ABCC9: variants seen among roughly 807,000 people sequenced by gnomAD.
The protein encoded by ABCC9 is ATP-binding cassette sub-family C member 9.
A neutral mutation model predicts 188.3 loss-of-function variants in ABCC9; 95 were observed. The ratio of observed to expected loss-of-function variants is 0.50; its 90% CI spans 0.43 to 0.60. The LOEUF is 0.60. ABCC9 is among the 20% of genes least tolerant of loss of function. ABCC9 has a pLI of 0.00. For synonymous variants in ABCC9, 659 were observed against 652.7 expected (o/e 1.01, Z -0.15); for missense variants, 1,102 against 1,876.3 (o/e 0.59, Z 7.62).
intron 16 of ABCC9, among the ~76,000 whole-genome samples, chr12:21,878,667 G>A (rs2137625152): frequency 6.6e-6 from 1 of 152,272 alleles, no homozygotes; most frequent in South Asian, 2.1e-4. Flanking sequence ...GTGAAAACAG[G>A]TAGAAAATAC....
chr12:21,833,517 A>T lies in ABCC9; in HGVS notation c.3567-4457T>A, dbSNP rs191985498. On this transcript the variant is annotated intron_variant, in intron 30 of 39. Coordinates refer to ENST00000261200, the MANE Select transcript of ABCC9 (RefSeq NM_020297.4). Reference sequence around the variant, plus strand: ...GTCTAGGGAAGAAGGTAAATGAAAAATCTGAATCTTGACTCTTGGTCAATT... The same window carrying T: ...GTCTAGGGAAGAAGGTAAATGAAAATTCTGAATCTTGACTCTTGGTCAATT... Among the ~76,000 whole-genome samples the T allele has an allele frequency of 2.2e-3, 337 of 152,242 alleles. 1 individual carries two copies. The highest frequency in any genetic ancestry group is 7.6e-3 in the African/African-American group (315 of 41,544).
chr12:21,907,982 AATTATCTTTAGTGGT>A (rs1428180393), intron 11 of ABCC9, 80 bp downstream of exon 11: 62 of 1,354,514 alleles, frequency 4.6e-5, no homozygotes, highest in Non-Finnish European at 5.8e-5. Flanking sequence ...ATTGTTTCCA[AATTATCTTTAGTGGT>A]ATGTATTAAT....
At position 21,893,950 on chromosome 12, in the gene ABCC9, T is replaced by C; in HGVS notation, c.1802+82A>G. The C allele has an allele frequency of 2.1e-6, 3 of 1,424,874 alleles. No homozygotes were observed. In the South Asian group the frequency reaches 3.6e-5, roughly 17 times the overall value. The allele number at this position is 1,424,874 out of a possible 1,614,324, so 88.3% of individuals were successfully genotyped here. A position where few individuals can be genotyped will look rare whatever the true frequency, so the allele number is the denominator to read the frequency against. ...CTGGCAGTGATTTTAATGTTCTTTT[T>C]TATATTTTTTCAAATACTCCTATTA... On this transcript the variant is annotated intron_variant, in intron 14 of 39. Transcript: ENST00000261200.
chr12:21,859,733 C>G, intron 21 of ABCC9, 67 bp from the exon 22 acceptor site: 1 of 1,309,948 alleles, frequency 7.6e-7, no homozygotes, highest in Non-Finnish European at 1.1e-6. Context: ...GTAATATGAC[C>G]TTAAATTACA....
chr12:21,902,312 A>T (rs1368131177), intron 12 of ABCC9, among the ~76,000 whole-genome samples: 3 of 152,228 alleles, frequency 2.0e-5, no homozygotes, highest in African/African-American at 7.2e-5. Flanking sequence ...GTAGAGGGAA[A>T]TTTATAGCAC....
intron 37 of ABCC9, among the ~76,000 whole-genome samples, chr12:21,808,192 G>A (rs916602776): frequency 1.3e-5 from 2 of 151,872 alleles, no homozygotes; most frequent in African/African-American, 4.8e-5. Context: ...ATATTCTAAT[G>A]GTATCAAAGT....
rs903079098 is a variant in ABCC9, at chr12:21,852,606, T to A, written c.2506-101A>T. On this transcript the variant is annotated intron_variant, in intron 22 of 39. Transcript: ENST00000261200. Reference sequence around the variant, plus strand: ...AATACAAATAACTAAGGGCAAATCATCCCCCAAATCTAATTTATTTAAAAA... The same window carrying A: ...AATACAAATAACTAAGGGCAAATCAACCCCCAAATCTAATTTATTTAAAAA... 63 of 1,328,768 alleles carry A rather than the reference T, an allele frequency of 4.7e-5. No homozygotes were observed. The African/African-American group carries it at 8.9e-4, about 19-fold the overall frequency. 82.3% of individuals were successfully genotyped at this position (1,328,768 alleles called of 1,614,324 possible).
chr12:21,852,554 C>T (rs774521047), intron 22 of ABCC9, 49 bp from the exon 23 acceptor site: 6 of 1,596,172 alleles, frequency 3.8e-6, no homozygotes, highest in South Asian at 1.1e-5. Context: ...ATACTTGTTA[C>T]ATAACTCAAT....
At chr12:21,855,130 T>C (rs1441189079) in intron 22 of ABCC9, among the ~76,000 whole-genome samples, 2 of 152,190 alleles carry the variant, frequency 1.3e-5, no homozygotes, top group Admixed American at 6.5e-5. Flanking sequence ...TTCCTGGGAA[T>C]TTTTCACAGA....
intron 4 of ABCC9, among the ~76,000 whole-genome samples, chr12:21,931,678 A>G (rs1344464952): frequency 6.6e-6 from 1 of 152,156 alleles, no homozygotes; most frequent in African/African-American, 2.4e-5. Flanking sequence ...AAGTTTCAAA[A>G]AAATATTGGA....
At position 21,800,865 on chromosome 12, in the gene ABCC9, C is replaced by A; in HGVS notation, c.*179G>T. The A allele has an allele frequency of 1.5e-6, 1 of 671,820 alleles. No homozygotes were observed. The allele number at this position is 671,820 out of a possible 1,614,324, so 41.6% of individuals were successfully genotyped here. On this transcript the variant is annotated 3_prime_UTR_variant, in exon 40 of 40. Coordinates refer to ENST00000261200, the MANE Select transcript of ABCC9 (RefSeq NM_020297.4). ...TCACTATAAAAACATCAATAATGAACATATTAAGCAATAATATCTTGAAAA... is the reference window on the plus strand; with the variant it reads ...TCACTATAAAAACATCAATAATGAAAATATTAAGCAATAATATCTTGAAAA...
chr12:21,877,279 A>G (rs550893859), intron 16 of ABCC9, among the ~76,000 whole-genome samples: 2 of 152,306 alleles, frequency 1.3e-5, no homozygotes, highest in East Asian at 1.9e-4. Flanking sequence ...ACAGCAGCTC[A>G]TAAAGAAAAT....
rs935975257 is a variant in ABCC9, at chr12:21,894,032, C to A, written c.1802G>T (p.Ser601Ile). ...VVRFAVKAII[S>I]VQKLNEFLLS... ...AAATGCCAGACACTTCAGTGCATAC[C>A]TTATGATGGCTTTGACTGCAAATCT... Residue 601 changes from serine to isoleucine, a missense_variant and splice_region_variant, in exon 14 of 40, where the codon AGT becomes ATT. This residue lies in a region of ABCC9 where 258 missense variants were observed against 325.6 expected (regional missense o/e 0.79). Coordinates refer to ENST00000261200, the MANE Select transcript of ABCC9 (RefSeq NM_020297.4). 6.2e-7 allele frequency: 1 copy of A among 1,613,864 alleles called. No homozygotes were observed. The highest frequency in any genetic ancestry group is 8.5e-7 in the Non-Finnish European group (1 of 1,179,954).
At chr12:21,828,768 C>A (rs1289969740) in intron 31 of ABCC9, among the ~76,000 whole-genome samples, 190 bp downstream of exon 31, 1 of 152,164 alleles carries the variant, frequency 6.6e-6, no homozygotes, top group African/African-American at 2.4e-5. Context: ...GGCTATTTGT[C>A]TTGTCATTAG....
rs12298510 is a variant in ABCC9, at chr12:21,828,977, C to G, written c.3650G>C (p.Arg1217Thr). The part of the protein sequence containing the change: ...IAYLFLSAAN[R>T]WLEVRTDYLG... ...ACGTACCGTCCTGACCTCCAGCCAT[C>G]TGTTGGCAGCTGAGAGAAATAAGTA... Residue 1217 changes from arginine (R) to threonine (T), a missense_variant, in exon 31 of 40, where the codon AGA (arginine) becomes ACA (threonine). Arg to Thr is a moderately conservative substitution (Grantham distance 71). This residue lies in a region of ABCC9 where 143 missense variants were observed against 225.6 expected (regional missense o/e 0.63). Transcript: ENST00000261200. 6.2e-7 allele frequency: 1 copy of G among 1,613,946 alleles called. No individual in the cohort carries two copies. The highest frequency in any genetic ancestry group is 1.1e-5 in the South Asian group (1 of 91,086).
chr12:21,894,694 C>T (rs1356038532), intron 13 of ABCC9, among the ~76,000 whole-genome samples: 2 of 152,058 alleles, frequency 1.3e-5, no homozygotes, highest in African/African-American at 2.4e-5. Context: ...ACTGCAGCCT[C>T]GACCTCCCCA....
intron 24 of ABCC9, among the ~76,000 whole-genome samples, chr12:21,849,312 A>G (rs548836678): frequency 3.3e-5 from 5 of 152,236 alleles, no homozygotes; most frequent in African/African-American, 1.2e-4. Context: ...GAAACTTTCT[A>G]TTCTAGAGGG....
At chr12:21,898,890 GTT>G (rs1237832647) in intron 12 of ABCC9, among the ~76,000 whole-genome samples, 1 of 152,280 alleles carries the variant, frequency 6.6e-6, no homozygotes, top group African/African-American at 2.4e-5. Flanking sequence ...GGAAAAAAGG[GTT>G]TTATGTGAAC....
intron 15 of ABCC9, among the ~76,000 whole-genome samples, chr12:21,885,508 T>C (rs1565446887): frequency 6.6e-6 from 1 of 152,182 alleles, no homozygotes; most frequent in East Asian, 1.9e-4. Context: ...CTTGAGGTCA[T>C]CTCACTCTGC....
Sources: gnomAD v4.1 joint callset for allele counts (sites outside exome capture counted in the v4.1 genomes callset) on GRCh38, gnomAD v4.1.1 for gene constraint, gnomAD v4.1.1 regional missense constraint, MANE v1.5 for transcripts, NCBI Gene and HGNC (gene_info 2026-07-23, HGNC 2026-07-21) for gene names.